Variants in SPOCK3 observed in about 807,000 individuals in gnomAD.
The protein encoded by SPOCK3 is testican-3.
Under a neutral mutation model 56.6 loss-of-function variants are expected in SPOCK3, and 30 were observed. The ratio of observed to expected loss-of-function variants is 0.53; its 90% CI spans 0.40 to 0.72. The LOEUF (loss-of-function observed/expected upper bound fraction) is 0.72. SPOCK3 is among the 30% of genes least tolerant of loss of function. The pLI is 0.00. For synonymous variants in SPOCK3, 196 were observed against 183.3 expected, an observed-to-expected ratio of 1.07 and a Z score of -0.56; for missense variants, 527 against 530.0, an observed-to-expected ratio of 0.99 and a Z score of 0.06.
intron 4 of SPOCK3, among the ~76,000 whole-genome samples, chr4:166,975,364 T>C (rs1049328885): frequency 4.6e-5 from 7 of 152,168 alleles, no homozygotes; most frequent in Middle Eastern, 3.2e-3. Flanking sequence ...ATTTTTAATG[T>C]TTAATTTTTA....
At chr4:166,841,966 C>T (rs1747419548) in intron 6 of SPOCK3, among the ~76,000 whole-genome samples, 1 of 152,186 alleles carries the variant, frequency 6.6e-6, no homozygotes, top group African/African-American at 2.4e-5. Context: ...TTTGGAGTTT[C>T]TTCCTTCTGG....
chr4:167,028,845 T>A (rs1345359044), intron 3 of SPOCK3, among the ~76,000 whole-genome samples: 1 of 152,082 alleles, frequency 6.6e-6, no homozygotes, highest in African/African-American at 2.4e-5. Context: ...CTTAACTCTT[T>A]GTTTCTACTA....
At chr4:167,131,036 C>T (rs1762659502) in intron 2 of SPOCK3, among the ~76,000 whole-genome samples, 1 of 151,390 alleles carries the variant, frequency 6.6e-6, no homozygotes, top group African/African-American at 2.4e-5. Context: ...CTTAATAGAC[C>T]TGATATTCTA....
intron 2 of SPOCK3, among the ~76,000 whole-genome samples, chr4:167,122,066 CCT>C (rs1009718425): frequency 2.6e-5 from 4 of 151,614 alleles, no homozygotes; most frequent in African/African-American, 4.8e-5. Context: ...TCCCTCCCTC[CCT>C]CTTTTCTTTT....
chr4:167,018,543 C>T (rs13123137), intron 3 of SPOCK3, among the ~76,000 whole-genome samples: 15,514 of 152,084 alleles, frequency 0.1, 1,033 homozygotes, highest in Non-Finnish European at 0.15. Context: ...TCTGTGCACT[C>T]GATGACCAAT....
chr4:166,917,801 T>C (rs1738032222), intron 4 of SPOCK3, among the ~76,000 whole-genome samples: 1 of 152,122 alleles, frequency 6.6e-6, no homozygotes, highest in Non-Finnish European at 1.5e-5. Flanking sequence ...TGTGAGTCAA[T>C]TAAACCTCTT....
chr4:167,205,389 ATT>A (rs1329990260), intron 2 of SPOCK3, among the ~76,000 whole-genome samples: 3 of 41,370 alleles, frequency 7.3e-5, no homozygotes, highest in African/African-American at 2.4e-4. Context: ...TAATATATAT[ATT>A]TTATATATAA....
At chr4:166,851,309 C>T (rs1403023873) in intron 6 of SPOCK3, among the ~76,000 whole-genome samples, 2 of 152,180 alleles carry the variant, frequency 1.3e-5, no homozygotes, top group African/African-American at 4.8e-5. Flanking sequence ...ACACCAAAAA[C>T]CCATCTGTAC....
intron 2 of SPOCK3, among the ~76,000 whole-genome samples, chr4:167,107,679 G>A (rs1046719342): frequency 1.3e-5 from 2 of 151,768 alleles, no homozygotes; most frequent in African/African-American, 4.8e-5. Flanking sequence ...GTTTGCTGAT[G>A]ATATAACTTT....
Position 166,746,074 on chromosome 4 carries a change from T to A in SPOCK3, c.932-4015A>T, listed in dbSNP as rs1735570316. 5.3e-5 allele frequency among the ~76,000 whole-genome samples: 8 copies of A among 152,192 alleles called. 1 individual carries two copies. The South Asian group carries it at 1.7e-3, about 32-fold the overall frequency. On this transcript the variant is annotated intron_variant, in intron 8 of 10. Coordinates refer to ENST00000357545, the MANE Select transcript of SPOCK3 (RefSeq NM_001040159.2). ...CACCCTACTGTCAACATTAGACAGATCAATGACACAGAAAGTTAACAAAGA... is the reference window on the plus strand; with the variant it reads ...CACCCTACTGTCAACATTAGACAGAACAATGACACAGAAAGTTAACAAAGA...
chr4:167,171,448 A>T (rs1730491102), intron 2 of SPOCK3, among the ~76,000 whole-genome samples: 1 of 152,166 alleles, frequency 6.6e-6, no homozygotes, highest in South Asian at 2.1e-4. Flanking sequence ...AATGGGGAAA[A>T]ATGTACAAAA....
At chr4:166,763,313 A>C (rs1226930546) in intron 7 of SPOCK3, among the ~76,000 whole-genome samples, 1 of 152,038 alleles carries the variant, frequency 6.6e-6, no homozygotes, top group Non-Finnish European at 1.5e-5. Flanking sequence ...ATTATCTTTC[A>C]AAAATTAAGC....
intron 7 of SPOCK3, among the ~76,000 whole-genome samples, chr4:166,779,424 A>G (rs1314103105): frequency 6.6e-6 from 1 of 152,200 alleles, no homozygotes; most frequent in East Asian, 1.9e-4. Context: ...AATTGCAACA[A>G]TAGAAACTAA....
At chr4:166,916,676 C>A (rs1737890012) in intron 4 of SPOCK3, among the ~76,000 whole-genome samples, 1 of 152,158 alleles carries the variant, frequency 6.6e-6, no homozygotes, top group Admixed American at 6.5e-5. Context: ...AAAACCCTCT[C>A]ATTCTAACTT....
chr4:167,077,010 A>G (rs1254696117), intron 2 of SPOCK3, among the ~76,000 whole-genome samples: 3 of 151,892 alleles, frequency 2.0e-5, no homozygotes, highest in Non-Finnish European at 2.9e-5. Context: ...AAAACTATGC[A>G]TGGAATTGAG....
chr4:166,804,423 T>G (rs538316909), intron 6 of SPOCK3, among the ~76,000 whole-genome samples: 2 of 152,080 alleles, frequency 1.3e-5, no homozygotes, highest in East Asian at 3.9e-4. Flanking sequence ...CCAAATACAG[T>G]CACATTCTGA....
At chr4:166,803,438 T>C (rs544663898) in intron 6 of SPOCK3, among the ~76,000 whole-genome samples, 1 of 152,240 alleles carries the variant, frequency 6.6e-6, no homozygotes, top group East Asian at 1.9e-4. Context: ...TTCATTATGT[T>C]CTGACAGCTG....
chr4:166,792,287 A>G lies in SPOCK3; in HGVS notation c.592T>C (p.Cys198Arg). 1.2e-6 allele frequency: 2 copies of G among 1,613,752 alleles called. No homozygotes were observed. Among genetic ancestry groups the G allele is most frequent in the South Asian group, 2.2e-5 (2 of 91,072 alleles). The change falls in exon 7 of 11, where the codon TGC becomes CGC. Residue 198 changes from cysteine to arginine, a missense_variant and splice_region_variant. Physicochemically the swap from Cys to Arg is radical, Grantham distance 180 (BLOSUM62 -3). Coordinates refer to ENST00000357545, the MANE Select transcript of SPOCK3 (RefSeq NM_001040159.2). ...TSTSRNVKRA[C>R]SDLEFREVAN... The stretch of plus-strand genomic sequence containing the variant: ...ACTTCCCTGAACTCCAGGTCACTGC[A>G]TGCTAAAAACAGAGAAACAACACAA...
At chr4:167,034,671 T>C (rs1003318328) in intron 3 of SPOCK3, among the ~76,000 whole-genome samples, 1 of 152,152 alleles carries the variant, frequency 6.6e-6, no homozygotes, top group South Asian at 2.1e-4. Context: ...CCAAGATCTA[T>C]ATCTGGTGAG....
Sources: allele counts gnomAD v4.1 joint callset (sites outside exome capture counted in the v4.1 genomes callset), GRCh38; gene constraint gnomAD v4.1.1; transcripts MANE v1.5; gene names NCBI Gene and HGNC (gene_info 2026-07-23, HGNC 2026-07-21).